IGFL2: variants seen among roughly 807,000 people sequenced by gnomAD.
IGFL2 encodes insulin growth factor-like family member 2.
IGFL2 carries 7 observed loss-of-function variants against 13.9 expected under a neutral mutation model. That is an observed-to-expected ratio of 0.51 (90% confidence interval 0.29 to 0.95). The LOEUF (loss-of-function observed/expected upper bound fraction) is 0.95, where lower values mean the gene tolerates loss of function less well. Among genes scored for constraint, IGFL2 ranks in the 40% least tolerant of loss-of-function variants. The probability of loss-of-function intolerance (pLI) is 0.08; values close to 1 mark genes in which losing one functional copy is unlikely to be tolerated. For missense variants in IGFL2, 138 were observed against 147.8 expected, an observed-to-expected ratio of 0.93 and a Z score of 0.34; for synonymous variants, 55 against 55.8, an observed-to-expected ratio of 0.99 and a Z score of 0.07.
At chr19:46,177,350 A>G in the IGFL2 span, among the ~76,000 whole-genome samples, 126 of 152,286 alleles carry the variant, frequency 8.3e-4, 2 homozygotes, top group Middle Eastern at 0.017. Flanking sequence ...CTGAGATCGT[A>G]CCACTACCCT....
the IGFL2 span, among the ~76,000 whole-genome samples, chr19:46,169,634 G>A: frequency 1.3e-5 from 2 of 152,048 alleles, no homozygotes; most frequent in Admixed American, 6.5e-5. Flanking sequence ...GATCACCTGA[G>A]GTCAGGAGTT....
At chr19:46,167,704 G>A in the IGFL2 span, among the ~76,000 whole-genome samples, 2 of 152,184 alleles carry the variant, frequency 1.3e-5, no homozygotes, top group African/African-American at 4.8e-5. Flanking sequence ...TGAATGTGGA[G>A]CCTCTAAGGA....
At chr19:46,085,579 CA>C in the IGFL2 span, among the ~76,000 whole-genome samples, 1 of 141,420 alleles carries the variant, frequency 7.1e-6, no homozygotes, top group South Asian at 2.3e-4. Flanking sequence ...CTTTATCTAA[CA>C]TGCTCCTCTG....
the IGFL2 span, chr19:46,203,181 A>C: frequency 6.6e-6 from 1 of 152,112 alleles, no homozygotes; most frequent in Non-Finnish European, 1.5e-5. Context: ...GATGGGGATC[A>C]CAAGGTGCAG....
chr19:46,159,272 C>G (rs1974002677), intron 1 of IGFL2: 1 of 152,114 alleles, frequency 6.6e-6, no homozygotes, highest in Non-Finnish European at 1.5e-5. Flanking sequence ...GATACAGTGC[C>G]TGGGAAATAT....
chr19:46,114,162 C>G, the IGFL2 span, among the ~76,000 whole-genome samples: 1 of 152,178 alleles, frequency 6.6e-6, no homozygotes, highest in Non-Finnish European at 1.5e-5. Flanking sequence ...TAACTGACAA[C>G]TTCCCAAATT....
the IGFL2 span, among the ~76,000 whole-genome samples, chr19:46,184,221 T>C: frequency 6.6e-6 from 1 of 152,164 alleles, no homozygotes; most frequent in South Asian, 2.1e-4. Flanking sequence ...TTCAAAATTA[T>C]ATGTGCCTCT....
chr19:46,113,319 C>G, the IGFL2 span: 3 of 288,242 alleles, frequency 1.0e-5, no homozygotes, highest in Admixed American at 1.3e-4. Context: ...CCATTTTGTT[C>G]ATAGCCTGAA....
the IGFL2 span, among the ~76,000 whole-genome samples, chr19:46,090,816 C>T: frequency 6.6e-6 from 1 of 152,184 alleles, no homozygotes; most frequent in Non-Finnish European, 1.5e-5. Context: ...TCCCGGGCAG[C>T]TCTGGAAGCT....
intron 1 of IGFL2, chr19:46,149,079 G>C (rs768975726): frequency 5.9e-6 from 9 of 1,513,682 alleles, no homozygotes; most frequent in Admixed American, 3.6e-5. Flanking sequence ...GTTTTGTTGT[G>C]TGTATTCCAT....
the IGFL2 span, among the ~76,000 whole-genome samples, chr19:46,201,610 A>G: frequency 6.2e-4 from 94 of 152,190 alleles, no homozygotes; most frequent in African/African-American, 2.2e-3. Flanking sequence ...GCCCGCTATT[A>G]TGTCTCTGCT....
chr19:46,119,355 C>T, the IGFL2 span, among the ~76,000 whole-genome samples: 10 of 152,166 alleles, frequency 6.6e-5, no homozygotes, highest in African/African-American at 2.4e-4. Flanking sequence ...ACTGCTATCT[C>T]CCATGCCACA....
the IGFL2 span, among the ~76,000 whole-genome samples, chr19:46,093,953 T>C: frequency 1.3e-5 from 2 of 151,440 alleles, no homozygotes; most frequent in African/African-American, 4.9e-5. Flanking sequence ...ACTGTAGCCA[T>C]GGACTGGAAG....
At chr19:46,144,506 TACTC>T (rs1236754022), upstream of IGFL2, among the ~76,000 whole-genome samples, 7 of 152,220 alleles carry the variant, frequency 4.6e-5, no homozygotes, top group Admixed American at 3.9e-4. Context: ...CAAATATACT[TACTC>T]GATGTTTATT....
At chr19:46,183,415 T>C in the IGFL2 span, among the ~76,000 whole-genome samples, 1 of 151,968 alleles carries the variant, frequency 6.6e-6, no homozygotes, top group South Asian at 2.1e-4. Context: ...CTCTCATTTC[T>C]TCCCTCCCAG....
the IGFL2 span, among the ~76,000 whole-genome samples, chr19:46,192,187 T>C: frequency 6.6e-6 from 1 of 152,182 alleles, no homozygotes; most frequent in Non-Finnish European, 1.5e-5. Context: ...TGGCTAGCGC[T>C]CCCAGGTCAA....
chr19:46,178,282 G>GAA, the IGFL2 span, among the ~76,000 whole-genome samples: 33 of 149,116 alleles, frequency 2.2e-4, no homozygotes, highest in East Asian at 8.0e-4. Context: ...GCCTCAAAAA[G>GAA]AAAAAAAAAA....
At chr19:46,154,544 C>T (rs1369164762) in intron 1 of IGFL2, among the ~76,000 whole-genome samples, 4 of 152,050 alleles carry the variant, frequency 2.6e-5, no homozygotes, top group East Asian at 1.9e-4. Flanking sequence ...CCTGGGTTCA[C>T]GCCATTCTCC....
rs1188378963 is a variant in IGFL2 at position 46,148,285 on chromosome 19, C to T, written c.7C>T (p.Pro3Ser). 6.4e-7 allele frequency: 1 copy of T among 1,551,458 alleles called. No homozygotes were observed. Among genetic ancestry groups the T allele is most frequent in the South Asian group, 1.2e-5 (1 of 84,052 alleles). MV[P>S]RIFAPAYVSV... is the part of the protein sequence containing the mutation. ...TCAGCTGCTCTGAAGCTCCATGGTGCCCAGAATCTTCGGTAAGGTAACCCT... is the reference window on the plus strand; with the variant it reads ...TCAGCTGCTCTGAAGCTCCATGGTGTCCAGAATCTTCGGTAAGGTAACCCT... Residue 3 changes from proline (P) to serine (S), a missense_variant, in exon 1 of 4, where the codon CCC (proline) becomes TCC (serine). Coordinates refer to ENST00000377693, the MANE Select transcript of IGFL2 (RefSeq NM_001135113.2).
Sources: allele counts gnomAD v4.1 joint callset (sites outside exome capture counted in the v4.1 genomes callset), GRCh38; gene constraint gnomAD v4.1.1; transcripts MANE v1.5; gene names NCBI Gene and HGNC (gene_info 2026-07-23, HGNC 2026-07-21).